Variants in PLAAT4 observed in about 807,000 individuals in gnomAD.
The protein encoded by PLAAT4 is HRAS-like suppressor 4.
A neutral mutation model predicts 14.1 loss-of-function variants in PLAAT4; 12 were observed. The ratio of observed to expected loss-of-function variants is 0.85; its 90% CI spans 0.54 to 1.37. The LOEUF is 1.37. Among genes scored for constraint, PLAAT4 ranks in the 40% most tolerant of loss-of-function variants. The probability of loss-of-function intolerance (pLI) is 0.00; values close to 1 mark genes in which losing one functional copy is unlikely to be tolerated. For missense variants in PLAAT4, 163 were observed against 211.7 expected, an observed-to-expected ratio of 0.77 and a Z score of 1.43; for synonymous variants, 77 against 79.8, an observed-to-expected ratio of 0.96 and a Z score of 0.19.
intron 3 of PLAAT4, 189 bp downstream of exon 3, chr11:63,545,078 C>A: frequency 1.3e-6 from 1 of 745,764 alleles, no homozygotes; most frequent in Non-Finnish European, 2.2e-6. Context: ...CAGTTCCCTT[C>A]CCCCCAGGCC....
intron 2 of PLAAT4, among the ~76,000 whole-genome samples, chr11:63,540,335 A>C (rs866980138): frequency 6.6e-6 from 1 of 152,246 alleles, no homozygotes. Context: ...AGGTGTCTTG[A>C]TATTATATAC....
chr11:63,544,717 G>C lies in PLAAT4; in HGVS notation c.215G>C (p.Cys72Ser). 6.2e-7 allele frequency: 1 copy of C among 1,614,224 alleles called. No homozygotes were observed. The highest frequency in any genetic ancestry group is 8.5e-7 in the Non-Finnish European group (1 of 1,180,030). Residue 72 changes from cysteine to serine, a missense_variant, in exon 3 of 4, where the codon TGT becomes TCT. Transcript: ENST00000255688. ...CGCCTGGAAGATGTGGTGGGAGGCT[G>C]TTGCTATCGGGTCAACAACAGCTTG... ...RERLEDVVGG[C>S]CYRVNNSLDH...
intron 2 of PLAAT4, among the ~76,000 whole-genome samples, chr11:63,540,008 G>A (rs1364620289): frequency 6.6e-6 from 1 of 152,222 alleles, no homozygotes; most frequent in Admixed American, 6.5e-5. Context: ...AGACAGTTAA[G>A]CAAGGGAAAC....
chr11:63,540,640 AC>A (rs1350766444), intron 2 of PLAAT4, among the ~76,000 whole-genome samples: 1 of 152,208 alleles, frequency 6.6e-6, no homozygotes, highest in Non-Finnish European at 1.5e-5. Flanking sequence ...AGCCTGGCCA[AC>A]ATGGTGAAAC....
rs138759569 is a variant in PLAAT4 at position 63,542,836 on chromosome 11, G to A, written c.119-1785G>A. On this transcript the variant is annotated intron_variant, in intron 2 of 3. Transcript: ENST00000255688. ...CACATTTCTAATGCTTCTAATCTTGGTTTCCTACAAGATCTAACACTAAGC... is the reference window on the plus strand; with the variant it reads ...CACATTTCTAATGCTTCTAATCTTGATTTCCTACAAGATCTAACACTAAGC... Among the ~76,000 whole-genome samples the A allele has an allele frequency of 1.1e-4, 17 of 152,182 alleles. No homozygotes were observed. The East Asian group carries it at 2.3e-3, about 21-fold the overall frequency.
chr11:63,537,098 G>C (rs1489120825), intron 1 of PLAAT4, among the ~76,000 whole-genome samples: 1 of 152,226 alleles, frequency 6.6e-6, no homozygotes. Context: ...CTGGCACAGT[G>C]CGGGGAGCCC....
rs763615313 is a variant in PLAAT4 at position 63,546,254 on chromosome 11, T to G, written c.493T>G (p.Ter165GlyextTer8). The change falls in exon 4 of 4, where the codon TGA becomes GGA. Residue 165 changes from the stop codon to glycine (G), a stop_lost. Transcript: ENST00000255688. ...IRRYQKKATA[*>G] The stretch of plus-strand genomic sequence containing the variant: ...GAGATACCAAAAAAAAGCGACAGCC[T>G]GAAGCAGCCACAAAATCCTGTGTTA... The G allele has an allele frequency of 3.4e-5, 55 of 1,613,750 alleles. No homozygotes were observed. The highest frequency in any genetic ancestry group is 4.6e-5 in the Non-Finnish European group (54 of 1,179,776).
intron 1 of PLAAT4, among the ~76,000 whole-genome samples, chr11:63,537,719 T>C (rs2017284142): frequency 6.6e-6 from 1 of 152,168 alleles, no homozygotes; most frequent in Non-Finnish European, 1.5e-5. Context: ...GGAAACCATC[T>C]CCTGTGGTGC....
At chr11:63,538,045 G>A (rs1196556149) in intron 1 of PLAAT4, among the ~76,000 whole-genome samples, 4 of 152,206 alleles carry the variant, frequency 2.6e-5, no homozygotes, top group African/African-American at 9.6e-5. Context: ...CAGGTGAGGG[G>A]GTTTGAGGGA....
intron 2 of PLAAT4, among the ~76,000 whole-genome samples, chr11:63,544,087 G>A (rs1026196465): frequency 1.3e-5 from 2 of 152,192 alleles, no homozygotes; most frequent in South Asian, 2.1e-4. Flanking sequence ...GGTACTAAAC[G>A]AATTGGATCT....
intron 1 of PLAAT4, among the ~76,000 whole-genome samples, chr11:63,537,933 A>G (rs2017286174): frequency 6.6e-6 from 1 of 152,116 alleles, no homozygotes; most frequent in African/African-American, 2.4e-5. Flanking sequence ...TTGCAGCTCA[A>G]CTTGACCCCT....
At chr11:63,543,255 G>T (rs2017335629) in intron 2 of PLAAT4, among the ~76,000 whole-genome samples, 1 of 152,232 alleles carries the variant, frequency 6.6e-6, no homozygotes, top group African/African-American at 2.4e-5. Context: ...GAGCTGAGAG[G>T]CAGGTGAGTG....
chr11:63,537,893 GC>G (rs2017285819), intron 1 of PLAAT4, among the ~76,000 whole-genome samples: 1 of 152,204 alleles, frequency 6.6e-6, no homozygotes, highest in Admixed American at 6.5e-5. Flanking sequence ...GGAGCTCACA[GC>G]CCAGAGGGGC....
intron 2 of PLAAT4, among the ~76,000 whole-genome samples, chr11:63,542,946 T>C (rs2134358597): frequency 6.6e-6 from 1 of 152,348 alleles, no homozygotes; most frequent in South Asian, 2.1e-4. Context: ...AACCTGATAA[T>C]GAATTTTATT....
intron 2 of PLAAT4, among the ~76,000 whole-genome samples, chr11:63,544,360 G>C (rs572759748): frequency 3.9e-5 from 6 of 152,192 alleles, no homozygotes; most frequent in Admixed American, 3.9e-4. Flanking sequence ...GGTGCCTGTA[G>C]TCCCAGCTAC....
Position 63,546,348 on chromosome 11 carries a change from C to T in PLAAT4, c.*92C>T. Reference sequence around the variant, plus strand: ...CCTCCAGCAGCCTGACCCTCGTGCCCTGTCTCAGGCGTTCTCTAGATCCTT... The same window carrying T: ...CCTCCAGCAGCCTGACCCTCGTGCCTTGTCTCAGGCGTTCTCTAGATCCTT... On this transcript the variant is annotated 3_prime_UTR_variant, in exon 4 of 4. Coordinates refer to ENST00000255688, the MANE Select transcript of PLAAT4 (RefSeq NM_004585.5). 1 of 1,108,738 alleles carries T rather than the reference C, an allele frequency of 9.0e-7. No homozygotes were observed. The highest frequency in any genetic ancestry group is 2.4e-5 in the East Asian group (1 of 42,428). 68.7% of individuals were successfully genotyped at this position (1,108,738 alleles called of 1,614,324 possible).
Position 63,544,668 on chromosome 11 carries a change from A to T in PLAAT4, c.166A>T (p.Asn56Tyr). 6.2e-7 allele frequency: 1 copy of T among 1,614,142 alleles called. No individual in the cohort carries two copies. The highest frequency in any genetic ancestry group is 8.5e-7 in the Non-Finnish European group (1 of 1,180,016). The change falls in exon 3 of 4, where the codon AAC becomes TAC. Residue 56 changes from asparagine (N) to tyrosine (Y), a missense_variant. Physicochemically the swap from Asn to Tyr is moderately radical, Grantham distance 143 (BLOSUM62 -2). Transcript: ENST00000255688. ...CTCCAGTGTCTTCTCAGTCCTGAGC[A>T]ACAGTGCAGAGGTGAAACGGGAGCG... ...GSSSVFSVLS[N>Y]SAEVKRERLE...
chr11:63,541,893 T>C (rs2017324732), intron 2 of PLAAT4, among the ~76,000 whole-genome samples: 1 of 152,152 alleles, frequency 6.6e-6, no homozygotes, highest in Non-Finnish European at 1.5e-5. Context: ...TTAAAAATCA[T>C]AAATTACAAA....
At chr11:63,538,168 G>T (rs1033608489) in intron 1 of PLAAT4, among the ~76,000 whole-genome samples, 26 of 152,256 alleles carry the variant, frequency 1.7e-4, no homozygotes, top group Non-Finnish European at 3.1e-4. Flanking sequence ...GTCACTCAGT[G>T]GGCCTGTGGG....
Sources: allele counts gnomAD v4.1 joint callset (sites outside exome capture counted in the v4.1 genomes callset), GRCh38; gene constraint gnomAD v4.1.1; transcripts MANE v1.5; gene names NCBI Gene and HGNC (gene_info 2026-07-23, HGNC 2026-07-21).